H1-8: variants seen among roughly 807,000 people sequenced by gnomAD.
H1-8 encodes histone H1.8.
In H1-8, 13 loss-of-function variants were observed where a neutral mutation model predicts 19.5. That is an observed-to-expected ratio of 0.67 (90% CI 0.43 to 1.06). The LOEUF is 1.06. Among genes scored for constraint, H1-8 ranks in the 50% least tolerant of loss-of-function variants. The pLI is 0.00. For missense variants in H1-8, 432 were observed against 459.8 expected, an observed-to-expected ratio of 0.94 and a Z score of 0.55; for synonymous variants, 193 against 187.6, an observed-to-expected ratio of 1.03 and a Z score of -0.24.
chr3:129,548,895 A>T, intron 2 of H1-8, 106 bp from the exon 3 acceptor site: 1 of 1,424,668 alleles, frequency 7.0e-7, no homozygotes, highest in South Asian at 1.4e-5. Context: ...CTGCCTGTGG[A>T]GCCCCCCTGT....
chr3:129,550,127 AT>A (rs932557262), intron 3 of H1-8, among the ~76,000 whole-genome samples: 1 of 151,910 alleles, frequency 6.6e-6, no homozygotes, highest in South Asian at 2.1e-4. Context: ...TAGAGTTATT[AT>A]TTTTTTTCCT....
At chr3:129,549,435 G>A (rs988398871) in intron 3 of H1-8, 71 bp downstream of exon 3, 16 of 1,492,642 alleles carry the variant, frequency 1.1e-5, no homozygotes, top group Non-Finnish European at 1.4e-5. Flanking sequence ...GGGGCGGGGA[G>A]CCAGCTCTGG....
chr3:129,549,009 C>A lies in H1-8; in HGVS notation c.387C>A (p.Pro129=). 1 of 1,606,694 alleles carries A rather than the reference C, an allele frequency of 6.2e-7. No homozygotes were observed. Among genetic ancestry groups the A allele is most frequent in the South Asian group, 1.1e-5 (1 of 90,138 alleles). ...RGATGSFKLV[P]KHKKKIQPRK... The stretch of plus-strand genomic sequence containing the variant: ...CCCGTGTCCTTCTCCAGTTAGTTCC[C>A]AAGCACAAGAAGAAAATCCAGCCCA... Residue 129 remains proline (P), a synonymous_variant, in exon 3 of 5, where the codon CCC becomes CCA. Transcript: ENST00000324382.
intron 1 of H1-8, 129 bp downstream of exon 1, chr3:129,543,435 C>A: frequency 1.5e-6 from 1 of 688,394 alleles, no homozygotes; most frequent in Non-Finnish European, 2.6e-6. Flanking sequence ...CCACCCAGCA[C>A]TCACCCAGCA....
Position 129,551,244 on chromosome 3 carries a change from G to T in H1-8, c.945G>T (p.Leu315Phe), listed in dbSNP as rs779042531. The T allele has an allele frequency of 6.2e-7, 1 of 1,614,114 alleles. No individual in the cohort carries two copies. The highest frequency in any genetic ancestry group is 1.3e-5 in the African/African-American group (1 of 74,958). The change falls in exon 5 of 5, where the codon TTG becomes TTT. Residue 315 changes from leucine to phenylalanine, a missense_variant. Physicochemically the swap from Leu to Phe is conservative, Grantham distance 22 (BLOSUM62 0). Transcript: ENST00000324382. ...GSGSKVVPAH[L>F]SRKTEAPKGP... ...GGTCCAAGGTGGTACCTGCACATTTGTCCAGGAAGACAGAGGCCCCCAAGG... is the reference window on the plus strand; with the variant it reads ...GGTCCAAGGTGGTACCTGCACATTTTTCCAGGAAGACAGAGGCCCCCAAGG...
At chr3:129,546,006 G>GT (rs2084883872) in intron 1 of H1-8, among the ~76,000 whole-genome samples, 1 of 152,002 alleles carries the variant, frequency 6.6e-6, no homozygotes. Context: ...GCCGAGCATG[G>GT]TGGCTCATGC....
chr3:129,550,664 G>T (rs2084926294), intron 3 of H1-8, 81 bp from the exon 4 acceptor site: 1 of 1,161,018 alleles, frequency 8.6e-7, no homozygotes, highest in Non-Finnish European at 1.3e-6. Flanking sequence ...GAGGAATGGG[G>T]GTTCTAGAGC....
In H1-8 at chr3:129,549,261, G is replaced by T. The variant is rs1243851567; in HGVS notation, c.639G>T (p.Glu213Asp). Residue 213 changes from glutamate (E) to aspartate (D), a missense_variant, in exon 3 of 5, where the codon GAG (glutamate) becomes GAT (aspartate). Coordinates refer to ENST00000324382, the MANE Select transcript of H1-8 (RefSeq NM_153833.3). The part of the protein sequence containing the change: ...AAKDTRAQSG[E>D]ARKVPPKPDK... ...AGGACACCAGGGCACAGTCGGGAGA[G>T]GCTAGGAAGGTGCCCCCCAAGCCAG... The T allele has an allele frequency of 6.3e-7, 1 of 1,575,096 alleles. No homozygotes were observed. Among genetic ancestry groups the T allele is most frequent in the African/African-American group, 1.3e-5 (1 of 74,406 alleles).
At chr3:129,544,028 CAG>C (rs908508260) in intron 1 of H1-8, among the ~76,000 whole-genome samples, 6 of 152,098 alleles carry the variant, frequency 3.9e-5, no homozygotes, top group Admixed American at 2.6e-4. Context: ...AGTAAAAGGG[CAG>C]AGTTAACTGG....
chr3:129,549,665 G>T (rs2108756192), intron 3 of H1-8, among the ~76,000 whole-genome samples: 1 of 152,072 alleles, frequency 6.6e-6, no homozygotes, highest in South Asian at 2.1e-4. Context: ...AGAAGGTGGA[G>T]TTTTTAGGCC....
intron 3 of H1-8, among the ~76,000 whole-genome samples, chr3:129,549,975 G>A (rs1210124904): frequency 6.6e-6 from 1 of 152,132 alleles, no homozygotes; most frequent in Non-Finnish European, 1.5e-5. Flanking sequence ...CAAAAAGAAG[G>A]TGGAGTATTT....
rs777393697 is a variant in H1-8 at position 129,547,517 on chromosome 3, C to A, written c.215C>A (p.Thr72Lys). 4.4e-6 allele frequency: 7 copies of A among 1,574,326 alleles called. No individual in the cohort carries two copies. In the African/African-American group the frequency reaches 6.8e-5, roughly 15 times the overall value. Reference protein sequence around the residue: ...ALQAGEQRRGTSVAAIKLYIL... With the variant: ...ALQAGEQRRGKSVAAIKLYIL... Reference sequence around the variant, plus strand: ...CAGGCTGGGGAGCAGCGCCGGGGCACGTCGGTGGCAGCTATCAAGCTCTAC... The same window carrying A: ...CAGGCTGGGGAGCAGCGCCGGGGCAAGTCGGTGGCAGCTATCAAGCTCTAC... Residue 72 changes from threonine (T) to lysine (K), a missense_variant, in exon 2 of 5, where the codon ACG (threonine) becomes AAG (lysine). Transcript: ENST00000324382.
In H1-8 at chr3:129,551,164, C is replaced by T; in HGVS notation, c.865C>T (p.Pro289Ser). ...KKKVVAKAKA[P>S]KAGQGPNTKA... The stretch of plus-strand genomic sequence containing the variant: ...GAAGGTGGTGGCCAAGGCCAAGGCC[C>T]CTAAAGCTGGGCAGGGGCCAAACAC... Residue 289 changes from proline to serine, a missense_variant, in exon 5 of 5, where the codon CCT becomes TCT. Transcript: ENST00000324382. 1 of 1,614,254 alleles carries T rather than the reference C, an allele frequency of 6.2e-7. No individual in the cohort carries two copies. Among genetic ancestry groups the T allele is most frequent in the Non-Finnish European group, 8.5e-7 (1 of 1,180,050 alleles).
chr3:129,547,697 G>A lies in H1-8; in HGVS notation c.378+17G>A, dbSNP rs746403347. 1 of 1,529,898 alleles carries A rather than the reference G, an allele frequency of 6.5e-7. No homozygotes were observed. The highest frequency in any genetic ancestry group is 8.7e-7 in the Non-Finnish European group (1 of 1,143,224). The allele number at this position is 1,529,898 out of a possible 1,614,324, so 94.8% of individuals were successfully genotyped here. On this transcript the variant is annotated intron_variant, in intron 2 of 4. Transcript: ENST00000324382. ...AGCTTCAAAGTAAGCGCCCCTGAGG[G>A]AGGACATAGCCCAGGGTTGGAGCAA...
At chr3:129,548,347 C>T (rs1272510869) in intron 2 of H1-8, 3 of 985,920 alleles carry the variant, frequency 3.0e-6, no homozygotes, top group Non-Finnish European at 3.6e-6. Flanking sequence ...AAAGTCCCAC[C>T]CTGGTAGAAC....
rs537984799 is a variant in H1-8, at chr3:129,544,898, C to CACCA, written c.88+1593_88+1596dup. Among the ~76,000 whole-genome samples the CACCA allele has an allele frequency of 1.4e-4, 22 of 152,184 alleles. No homozygotes were observed. The East Asian group carries it at 3.1e-3, about 21-fold the overall frequency. ...AGAACCCGGGAGTGACCCAGGACTA[C>CACCA]ACCAGCTCAACGCCTTTGGCCCCCA... is the stretch of plus-strand genomic sequence containing the variant. On this transcript the variant is annotated intron_variant, in intron 1 of 4. Coordinates refer to ENST00000324382, the MANE Select transcript of H1-8 (RefSeq NM_153833.3).
At chr3:129,549,399 T>TG (rs1409466920) in intron 3 of H1-8, 35 bp downstream of exon 3, 1 of 1,017,080 alleles carries the variant, frequency 9.8e-7, no homozygotes, top group Non-Finnish European at 1.3e-6. Context: ...GGTGTGGGGA[T>TG]GGGGGTCTTG....
At chr3:129,548,527 A>C in intron 2 of H1-8, 7 of 988,222 alleles carry the variant, frequency 7.1e-6, no homozygotes, top group Non-Finnish European at 8.4e-6. Flanking sequence ...GGGACAGGAA[A>C]GAAACAGCTT....
intron 1 of H1-8, among the ~76,000 whole-genome samples, chr3:129,546,279 G>A (rs1051767194): frequency 2.0e-5 from 3 of 152,102 alleles, no homozygotes; most frequent in Non-Finnish European, 4.4e-5. Flanking sequence ...AGCCATGATT[G>A]TGGCACTGCA....
Sources: gnomAD v4.1 joint callset for allele counts (sites outside exome capture counted in the v4.1 genomes callset) on GRCh38, gnomAD v4.1.1 for gene constraint, MANE v1.5 for transcripts, NCBI Gene and HGNC (gene_info 2026-07-23, HGNC 2026-07-21) for gene names.